The following RAB38 variants were observed in gnomAD, a reference collection of about 807,000 sequenced individuals.
The protein encoded by RAB38 is ras-related protein Rab-38.
RAB38 carries 15 observed loss-of-function variants against 18.4 expected under a neutral mutation model. That is an observed-to-expected ratio of 0.82 (90% CI 0.55 to 1.26). The LOEUF (loss-of-function observed/expected upper bound fraction) is 1.26. Among genes scored for constraint, RAB38 ranks in the 50% most tolerant of loss-of-function variants. The pLI, the probability that RAB38 is intolerant of heterozygous loss-of-function variation, is 0.00. For missense variants in RAB38, 294 were observed against 267.4 expected (o/e 1.10, Z -0.69); for synonymous variants, 101 against 104.4 (o/e 0.97, Z 0.20).
chr11:87,869,339 T>C, the RAB38 span, among the ~76,000 whole-genome samples: 1 of 151,602 alleles, frequency 6.6e-6, no homozygotes, highest in African/African-American at 2.4e-5. Context: ...TAAACTTAAA[T>C]ATTAGAAAAC....
the RAB38 span, among the ~76,000 whole-genome samples, chr11:88,015,759 TA>T: frequency 6.6e-6 from 1 of 152,086 alleles, no homozygotes; most frequent in South Asian, 2.1e-4. Context: ...CTGGCTCGGT[TA>T]AAAAAATGTC....
chr11:88,117,367 T>C (rs936997604), intron 2 of RAB38, among the ~76,000 whole-genome samples: 3 of 152,166 alleles, frequency 2.0e-5, no homozygotes, highest in African/African-American at 7.2e-5. Context: ...GAGCCTTGAA[T>C]ACTAAATTTG....
chr11:87,952,310 C>T, the RAB38 span, among the ~76,000 whole-genome samples: 4 of 152,172 alleles, frequency 2.6e-5, no homozygotes, highest in South Asian at 2.1e-4. Context: ...TCAATGACCT[C>T]AAATGCAGCC....
chr11:87,971,464 C>G, the RAB38 span, among the ~76,000 whole-genome samples: 1 of 152,120 alleles, frequency 6.6e-6, no homozygotes, highest in South Asian at 2.1e-4. Context: ...TGGAGGGAGC[C>G]TGGACTAATG....
intron 2 of RAB38, among the ~76,000 whole-genome samples, chr11:88,146,544 C>T (rs1233685781): frequency 1.3e-5 from 2 of 151,988 alleles, no homozygotes; most frequent in Non-Finnish European, 2.9e-5. Flanking sequence ...ATCTCTGCTT[C>T]AGGCAGACAG....
chr11:88,051,736 T>G, the RAB38 span, among the ~76,000 whole-genome samples: 7 of 152,160 alleles, frequency 4.6e-5, no homozygotes, highest in African/African-American at 1.7e-4. Context: ...AATATGGAAT[T>G]TTGAAACCTT....
the RAB38 span, among the ~76,000 whole-genome samples, chr11:87,960,707 T>C: frequency 6.6e-6 from 1 of 152,180 alleles, no homozygotes; most frequent in African/African-American, 2.4e-5. Flanking sequence ...AATAGCTCTT[T>C]GATATTTTTA....
chr11:87,845,354 ATG>A, the RAB38 span, among the ~76,000 whole-genome samples: 3 of 152,188 alleles, frequency 2.0e-5, no homozygotes, highest in Admixed American at 1.3e-4. Flanking sequence ...AGCCTCACAC[ATG>A]TGAGGTGAAT....
the RAB38 span, among the ~76,000 whole-genome samples, chr11:87,863,264 T>C: frequency 1.3e-5 from 2 of 151,844 alleles, no homozygotes; most frequent in African/African-American, 4.8e-5. Context: ...ATCTTTAAAA[T>C]AGAAAATAAT....
the RAB38 span, among the ~76,000 whole-genome samples, chr11:88,027,293 G>A: frequency 3.9e-5 from 6 of 152,258 alleles, no homozygotes; most frequent in South Asian, 2.1e-4. Flanking sequence ...CAGTGTGAGC[G>A]ACGCAGAAGA....
the RAB38 span, among the ~76,000 whole-genome samples, chr11:87,959,437 C>G: frequency 5.3e-5 from 8 of 152,198 alleles, no homozygotes; most frequent in African/African-American, 1.9e-4. Flanking sequence ...ATACTCATAT[C>G]TATCTGACTC....
chr11:87,924,228 C>T, the RAB38 span, among the ~76,000 whole-genome samples: 1 of 151,992 alleles, frequency 6.6e-6, no homozygotes, highest in Non-Finnish European at 1.5e-5. Context: ...TGTATTTGAA[C>T]TCAAAATGCA....
the RAB38 span, among the ~76,000 whole-genome samples, chr11:88,018,910 C>T: frequency 6.6e-6 from 1 of 152,150 alleles, no homozygotes; most frequent in Non-Finnish European, 1.5e-5. Flanking sequence ...CTGCATTTCA[C>T]TCAACAGCAA....
chr11:88,100,332 G>A, the RAB38 span, among the ~76,000 whole-genome samples: 5 of 152,028 alleles, frequency 3.3e-5, no homozygotes, highest in Admixed American at 6.6e-5. Context: ...TGGAATGGCC[G>A]TTTTAAGGGA....
At chr11:88,009,170 A>C in the RAB38 span, among the ~76,000 whole-genome samples, 1 of 152,296 alleles carries the variant, frequency 6.6e-6, no homozygotes, top group South Asian at 2.1e-4. Context: ...CTCAATATTA[A>C]TGCCAAAGCT....
intron 2 of RAB38, among the ~76,000 whole-genome samples, chr11:88,147,860 T>C (rs752104248): frequency 2.0e-5 from 3 of 151,906 alleles, no homozygotes; most frequent in Non-Finnish European, 2.9e-5. Flanking sequence ...GCCATTGCAC[T>C]CCAGCCTGGG....
chr11:88,113,181 C>G (rs1942496592), downstream of RAB38: 1 of 147,844 alleles, frequency 6.8e-6, no homozygotes, highest in Non-Finnish European at 1.5e-5. Context: ...TCTTGAGAAC[C>G]CTGTTTACTT....
the RAB38 span, among the ~76,000 whole-genome samples, chr11:87,941,333 A>G: frequency 2.7e-5 from 4 of 149,500 alleles, no homozygotes; most frequent in African/African-American, 9.9e-5. Context: ...CCACATGGAT[A>G]GGTGTGCAAC....
Position 88,124,416 on chromosome 11 carries a change from C to T in RAB38, c.484-10276G>A, listed in dbSNP as rs576521918. ...ATCCAGAATCTACAAAGAACTCAAACAAATTTACAAGAAAAAAACAAACAA... is the reference window on the plus strand; with the variant it reads ...ATCCAGAATCTACAAAGAACTCAAATAAATTTACAAGAAAAAAACAAACAA... On this transcript the variant is annotated intron_variant, in intron 2 of 2. Transcript: ENST00000243662. Among the ~76,000 whole-genome samples, 93 of 152,216 alleles carry T rather than the reference C, an allele frequency of 6.1e-4. 1 individual carries two copies. Among genetic ancestry groups the T allele is most frequent in the East Asian group, 3.1e-3 (16 of 5,174 alleles).
Sources: allele counts gnomAD v4.1 joint callset (sites outside exome capture counted in the v4.1 genomes callset), GRCh38; gene constraint gnomAD v4.1.1; transcripts MANE v1.5; gene names NCBI Gene and HGNC (gene_info 2026-07-23, HGNC 2026-07-21).